TOGARAM2: variants seen among roughly 807,000 people sequenced by gnomAD.
TOGARAM2 encodes the protein TOG array regulator of axonemal microtubules 2.
Under a neutral mutation model 93.3 loss-of-function variants are expected in TOGARAM2, and 85 were observed. The observed-to-expected ratio is 0.91, with a 90% CI of 0.76 to 1.09. The LOEUF (loss-of-function observed/expected upper bound fraction) is 1.09, where lower values mean the gene tolerates loss of function less well. Among genes scored for constraint, TOGARAM2 ranks in the 50% least tolerant of loss-of-function variants. The probability of loss-of-function intolerance (pLI) is 0.00; values close to 1 mark genes in which losing one functional copy is unlikely to be tolerated. For synonymous variants in TOGARAM2, 593 were observed against 552.8 expected (o/e 1.07, Z -1.02); for missense variants, 1,277 against 1,334.5 (o/e 0.96, Z 0.67).
chr2:28,978,743 T>C (rs981094330), upstream of TOGARAM2, among the ~76,000 whole-genome samples: 1 of 152,106 alleles, frequency 6.6e-6, no homozygotes, highest in African/African-American at 2.4e-5. Flanking sequence ...TCACATCAAG[T>C]ATTTGTTCAT....
intron 1 of TOGARAM2, among the ~76,000 whole-genome samples, chr2:28,972,235 C>T (rs564813233): frequency 7.9e-5 from 12 of 152,250 alleles, no homozygotes; most frequent in East Asian, 5.8e-4. Flanking sequence ...ATTATAGGCA[C>T]GTGCCAGCAC....
chr2:29,033,247 C>T (rs374458325), intron 15 of TOGARAM2, among the ~76,000 whole-genome samples, 196 bp downstream of exon 15: 46 of 152,312 alleles, frequency 3.0e-4, no homozygotes, highest in African/African-American at 8.9e-4. Context: ...TCACACTACC[C>T]ATGTTCCTTG....
chr2:29,012,873 C>G (rs115362028), intron 7 of TOGARAM2, among the ~76,000 whole-genome samples: 5 of 152,214 alleles, frequency 3.3e-5, no homozygotes, highest in Non-Finnish European at 7.3e-5. Flanking sequence ...CATGTGCCCT[C>G]TGCTCTGCCT....
rs764683626 is a variant in TOGARAM2 at position 29,014,404 on chromosome 2, C to T, written c.887C>T (p.Pro296Leu). 1.7e-5 allele frequency: 27 copies of T among 1,610,734 alleles called. No individual in the cohort carries two copies. Among genetic ancestry groups the T allele is most frequent in the Non-Finnish European group, 2.3e-5 (27 of 1,178,836 alleles). Residue 296 changes from proline to leucine, a missense_variant, in exon 8 of 20, where the codon CCT (proline) becomes CTT (leucine). Transcript: ENST00000379558. ...GTTCTCAACCCCTCAGAGCCAAAAC[C>T]TTTGGCCTCACCCATCAGAGACAGG... Reference protein sequence around the residue: ...EKTPASLEPKPLASPIRDRPA... With the variant: ...EKTPASLEPKLLASPIRDRPA...
At chr2:28,991,036 G>GTT (rs1210440318) in intron 1 of TOGARAM2, among the ~76,000 whole-genome samples, 32 of 126,376 alleles carry the variant, frequency 2.5e-4, no homozygotes, top group African/African-American at 1.0e-3. Flanking sequence ...GTGTGTGTGT[G>GTT]TGTGGCTTTT....
At chr2:29,025,519 T>C (rs1558448743) in intron 13 of TOGARAM2, among the ~76,000 whole-genome samples, 3 of 152,018 alleles carry the variant, frequency 2.0e-5, no homozygotes, top group South Asian at 2.1e-4. Flanking sequence ...GGACAGGCAA[T>C]TGATCACTGT....
chr2:29,015,198 T>G (rs1258729303), intron 8 of TOGARAM2, among the ~76,000 whole-genome samples: 1 of 148,104 alleles, frequency 6.8e-6, no homozygotes, highest in African/African-American at 2.5e-5. Flanking sequence ...GGGTGACTGT[T>G]AAATCAGCAC....
At chr2:28,965,735 A>G (rs1221528359) in intron 1 of TOGARAM2, among the ~76,000 whole-genome samples, 2 of 152,070 alleles carry the variant, frequency 1.3e-5, no homozygotes, top group Admixed American at 1.3e-4. Context: ...CCTCTTCTCT[A>G]AGAGCTCTGC....
chr2:28,968,926 A>G (rs1252057865), intron 1 of TOGARAM2, among the ~76,000 whole-genome samples: 2 of 151,538 alleles, frequency 1.3e-5, no homozygotes, highest in Admixed American at 1.3e-4. Flanking sequence ...TTAAAGAGCC[A>G]TTGCCTCTGC....
chr2:29,011,842 T>A (rs1390712663), intron 7 of TOGARAM2, among the ~76,000 whole-genome samples: 4 of 152,200 alleles, frequency 2.6e-5, no homozygotes, highest in African/African-American at 9.7e-5. Flanking sequence ...GAGCAGGATG[T>A]CCTCCCTGGT....
At chr2:29,023,863 AAG>A (rs1665140578) in intron 12 of TOGARAM2, among the ~76,000 whole-genome samples, 3 of 152,258 alleles carry the variant, frequency 2.0e-5, no homozygotes, top group Non-Finnish European at 2.9e-5. Context: ...GGTAGTTGCA[AAG>A]ATCAAATCAG....
intron 6 of TOGARAM2, among the ~76,000 whole-genome samples, chr2:29,006,995 T>A (rs1292706885): frequency 1.3e-5 from 2 of 152,210 alleles, no homozygotes; most frequent in African/African-American, 4.8e-5. Context: ...TTTTTCTGCA[T>A]CCTGACTTTA....
rs551892576 is a variant in TOGARAM2 at position 28,994,987 on chromosome 2, G to A, written c.28+125G>A. 25 of 1,213,726 alleles carry A rather than the reference G, an allele frequency of 2.1e-5. No homozygotes were observed. The Admixed American group carries it at 4.3e-4, about 21-fold the overall frequency. 75.2% of individuals were successfully genotyped at this position (1,213,726 alleles called of 1,614,324 possible). On this transcript the variant is annotated intron_variant, in intron 2 of 19. Transcript: ENST00000379558. ...AGGGCTGCTGGGAGATAACAGCCAGGTGGCCGTGCCTTTCCAGCCCTGGCC... is the reference window on the plus strand; with the variant it reads ...AGGGCTGCTGGGAGATAACAGCCAGATGGCCGTGCCTTTCCAGCCCTGGCC...
chr2:28,958,686 C>T (rs1446235913), intron 1 of TOGARAM2, among the ~76,000 whole-genome samples: 1 of 152,114 alleles, frequency 6.6e-6, no homozygotes, highest in Non-Finnish European at 1.5e-5. Context: ...AGGGGAAGCA[C>T]GACCAGGTTG....
At chr2:29,037,596 A>G (rs1401344579) in intron 18 of TOGARAM2, among the ~76,000 whole-genome samples, 1 of 146,626 alleles carries the variant, frequency 6.8e-6, no homozygotes, top group African/African-American at 2.5e-5. Context: ...ACCCCACCCC[A>G]CTTCCTGGCC....
At chr2:29,004,311 T>C (rs539926744) in intron 6 of TOGARAM2, among the ~76,000 whole-genome samples, 2 of 152,230 alleles carry the variant, frequency 1.3e-5, no homozygotes, top group African/African-American at 2.4e-5. Context: ...TAAAGCATGA[T>C]TGAGTTCATG....
At position 29,024,200 on chromosome 2, in the gene TOGARAM2, A is replaced by C. The variant is rs547431123; in HGVS notation, c.1679A>C (p.Gln560Pro). The part of the protein sequence containing the change: ...LAISTLGDLF[Q>P]ALKKNMDQEA... ...ATCAGCACCTTGGGAGACCTCTTCC[A>C]GGCCTTGAAGAAGAATATGGACCAG... Residue 560 changes from glutamine (Q) to proline (P), a missense_variant, in exon 13 of 20, where the codon CAG (glutamine) becomes CCG (proline). Coordinates refer to ENST00000379558, the MANE Select transcript of TOGARAM2 (RefSeq NM_199280.4). 7 of 1,605,588 alleles carry C rather than the reference A, an allele frequency of 4.4e-6. No homozygotes were observed. In the Admixed American group the frequency reaches 1.2e-4, roughly 27 times the overall value.
intron 19 of TOGARAM2, chr2:29,050,943 G>C (rs1197554377): frequency 6.6e-6 from 1 of 152,564 alleles, no homozygotes; most frequent in Admixed American, 6.5e-5. Context: ...TTTAGAGAGG[G>C]TTGGGGGCCT....
At chr2:29,006,355 A>T (rs199749274) in intron 6 of TOGARAM2, among the ~76,000 whole-genome samples, 2 of 112,984 alleles carry the variant, frequency 1.8e-5, no homozygotes, top group African/African-American at 8.7e-5. Flanking sequence ...TGTATGTGTG[A>T]GTGCATGTGT....
Sources: gnomAD v4.1 joint callset for allele counts (sites outside exome capture counted in the v4.1 genomes callset) on GRCh38, gnomAD v4.1.1 for gene constraint, MANE v1.5 for transcripts, NCBI Gene and HGNC (gene_info 2026-07-23, HGNC 2026-07-21) for gene names.